The following ATXN7L1 variants were observed in gnomAD, a reference collection of about 807,000 sequenced individuals.
The protein encoded by ATXN7L1 is ataxin 7 like 1, also known as ataxin-7-like protein 1.
Under a neutral mutation model 70.8 loss-of-function variants are expected in ATXN7L1, and 15 were observed. The ratio of observed to expected loss-of-function variants is 0.21; its 90% CI spans 0.14 to 0.33. The LOEUF (loss-of-function observed/expected upper bound fraction) is 0.33, where lower values mean the gene tolerates loss of function less well. Ranked by LOEUF, ATXN7L1 falls within the 10% of genes least tolerant of loss-of-function variation. The pLI is 1.00. For synonymous variants in ATXN7L1, 440 were observed against 445.1 expected, an observed-to-expected ratio of 0.99 and a Z score of 0.14; for missense variants, 975 against 1,097.1, an observed-to-expected ratio of 0.89 and a Z score of 1.57.
At chr7:105,620,885 A>ACT (rs1464028974) in intron 8 of ATXN7L1, among the ~76,000 whole-genome samples, 1 of 10,094 alleles carries the variant, frequency 9.9e-5, no homozygotes, top group Non-Finnish European at 1.3e-3. Flanking sequence ...ACAGGCTGAG[A>ACT]CTGTCTCAGA....
chr7:105,806,031 G>GAC lies in ATXN7L1; in HGVS notation c.251-17325_251-17324dup, dbSNP rs1807541285. Among the ~76,000 whole-genome samples the GAC allele has an allele frequency of 2.0e-5, 3 of 152,178 alleles. No homozygotes were observed. In the South Asian group the frequency reaches 6.2e-4, roughly 31 times the overall value. On this transcript the variant is annotated intron_variant, in intron 2 of 11. Coordinates refer to ENST00000419735, the MANE Select transcript of ATXN7L1 (RefSeq NM_020725.2). ...CTGCTGCAGGGTCTGGGGCTGCAGG[G>GAC]ACAGAGAGGACGCAGGACCCAAGAG...
chr7:105,755,788 A>G (rs1411858982), intron 3 of ATXN7L1, among the ~76,000 whole-genome samples: 1 of 152,246 alleles, frequency 6.6e-6, no homozygotes, highest in Non-Finnish European at 1.5e-5. Flanking sequence ...ACTCATTAAA[A>G]GAAAAGCTTT....
At chr7:105,613,767 G>A in intron 10 of ATXN7L1, 95 bp downstream of exon 10, 4 of 1,542,988 alleles carry the variant, frequency 2.6e-6, no homozygotes, top group Non-Finnish European at 3.5e-6. Flanking sequence ...AATCAAGCTT[G>A]TGTTACCTGT....
Position 105,864,132 on chromosome 7 carries a change from C to A in ATXN7L1, c.250+11680G>T, listed in dbSNP as rs928810595. On this transcript the variant is annotated intron_variant, in intron 2 of 11. Transcript: ENST00000419735. ...ACAGTAGTTCTCAAAGTTCAGGAAA[C>A]AACAGAGCCACCTGAGGAGCCTGTT... Among the ~76,000 whole-genome samples, 5 of 152,158 alleles carry A rather than the reference C, an allele frequency of 3.3e-5. No homozygotes were observed. The East Asian group carries it at 9.7e-4, about 29-fold the overall frequency.
chr7:105,618,151 T>C, intron 9 of ATXN7L1: 1 of 440,684 alleles, frequency 2.3e-6, no homozygotes, highest in South Asian at 1.6e-5. Context: ...GGGAGTGAAA[T>C]ACAGATCAAC....
At chr7:105,762,618 C>T (rs193143651) in intron 3 of ATXN7L1, among the ~76,000 whole-genome samples, 11 of 152,282 alleles carry the variant, frequency 7.2e-5, no homozygotes, top group Admixed American at 5.9e-4. Flanking sequence ...ATGGCTGCAG[C>T]CCTCCTCATC....
intron 2 of ATXN7L1, among the ~76,000 whole-genome samples, chr7:105,807,276 A>G (rs553405437): frequency 1.4e-4 from 22 of 152,372 alleles, no homozygotes; most frequent in African/African-American, 4.6e-4. Context: ...TGAAGAACCC[A>G]GGCTTTAGAA....
intron 3 of ATXN7L1, among the ~76,000 whole-genome samples, chr7:105,672,633 G>A (rs1803945090): frequency 6.6e-6 from 1 of 152,126 alleles, no homozygotes; most frequent in Non-Finnish European, 1.5e-5. Context: ...ATCAGATCTG[G>A]GGATGTTTTC....
intron 2 of ATXN7L1, among the ~76,000 whole-genome samples, chr7:105,868,750 AT>A (rs1817837957): frequency 6.6e-6 from 1 of 152,344 alleles, no homozygotes; most frequent in East Asian, 1.9e-4. Context: ...ATTAAAAAAA[AT>A]AAGTAGTTTT....
At chr7:105,871,168 A>G (rs1818214796) in intron 2 of ATXN7L1, among the ~76,000 whole-genome samples, 1 of 151,234 alleles carries the variant, frequency 6.6e-6, no homozygotes, top group African/African-American at 2.4e-5. Flanking sequence ...TTCAATAGAG[A>G]AGCTTGGGTT....
rs186482547 is a variant in ATXN7L1, at chr7:105,819,358, A to T, written c.251-30650T>A. On this transcript the variant is annotated intron_variant, in intron 2 of 11. Transcript: ENST00000419735. The stretch of plus-strand genomic sequence containing the variant: ...GCTTTCTGTATCTGGGTTGGCTATT[A>T]AAAAAAAATCTGTATATGCTGGATA... 983 of 409,564 alleles carry T rather than the reference A, an allele frequency of 2.4e-3. 8 individuals are homozygous for T. The highest frequency in any genetic ancestry group is 0.018 in the African/African-American group (883 of 48,468). The allele number at this position is 409,564 out of a possible 1,614,324, so 25.4% of individuals were successfully genotyped here.
At chr7:105,629,320 T>C (rs1166589635) in intron 7 of ATXN7L1, among the ~76,000 whole-genome samples, 1 of 152,060 alleles carries the variant, frequency 6.6e-6, no homozygotes, top group East Asian at 1.9e-4. Flanking sequence ...CTCTGTGAAT[T>C]TGGCTTTTTT....
At chr7:105,735,170 C>G (rs1455486783) in intron 3 of ATXN7L1, among the ~76,000 whole-genome samples, 4 of 152,140 alleles carry the variant, frequency 2.6e-5, no homozygotes, top group African/African-American at 4.8e-5. Flanking sequence ...ATCCCCTTGA[C>G]CTGGGCTATA....
chr7:105,671,970 T>C (rs1803805639), intron 3 of ATXN7L1, among the ~76,000 whole-genome samples: 1 of 151,022 alleles, frequency 6.6e-6, no homozygotes, highest in Non-Finnish European at 1.5e-5. Context: ...ATTTACCTTA[T>C]AGCATTTCAT....
At chr7:105,615,322 C>T (rs1214084347) in intron 9 of ATXN7L1, among the ~76,000 whole-genome samples, 1 of 152,154 alleles carries the variant, frequency 6.6e-6, no homozygotes. Flanking sequence ...CAGCTTCTGC[C>T]CAGAGACTCT....
chr7:105,874,506 A>G (rs1266419742), intron 2 of ATXN7L1, among the ~76,000 whole-genome samples: 1 of 152,228 alleles, frequency 6.6e-6, no homozygotes, highest in East Asian at 1.9e-4. Context: ...ACTTGACATC[A>G]ATCCCTCGTG....
intron 7 of ATXN7L1, among the ~76,000 whole-genome samples, chr7:105,628,891 A>T (rs1796158451): frequency 6.6e-6 from 1 of 151,956 alleles, no homozygotes; most frequent in Non-Finnish European, 1.5e-5. Context: ...GTACACTGTA[A>T]AATGATTACC....
chr7:105,869,969 T>C (rs75315757), intron 2 of ATXN7L1, among the ~76,000 whole-genome samples: 11,777 of 152,250 alleles, frequency 0.077, 598 homozygotes, highest in East Asian at 0.26. Context: ...AATGATCACT[T>C]AACTGCACTC....
intron 3 of ATXN7L1, among the ~76,000 whole-genome samples, chr7:105,673,401 A>G (rs1017514566): frequency 6.6e-6 from 1 of 152,134 alleles, no homozygotes; most frequent in Non-Finnish European, 1.5e-5. Flanking sequence ...CTCCCAATAG[A>G]CTTTGAGCAC....
Sources: gnomAD v4.1 joint callset for allele counts (sites outside exome capture counted in the v4.1 genomes callset) on GRCh38, gnomAD v4.1.1 for gene constraint, MANE v1.5 for transcripts, NCBI Gene and HGNC (gene_info 2026-07-23, HGNC 2026-07-21) for gene names.